The following CDH2 variants were observed in gnomAD, a reference collection of about 807,000 sequenced individuals.
The protein encoded by CDH2 is cadherin 2, also known as cadherin-2.
In CDH2, 17 loss-of-function variants were observed where a neutral mutation model predicts 92.0. That is an observed-to-expected ratio of 0.18 (90% confidence interval 0.13 to 0.28). The LOEUF is 0.28. Among genes scored for constraint, CDH2 ranks in the 10% least tolerant of loss-of-function variants. CDH2 has a pLI of 1.00. For missense variants in CDH2, 862 were observed against 1,133.1 expected, an observed-to-expected ratio of 0.76 and a Z score of 3.44; for synonymous variants, 419 against 415.9, an observed-to-expected ratio of 1.01 and a Z score of -0.09.
intron 7 of CDH2, 70 bp from the exon 8 acceptor site, chr18:27,993,707 A>T: frequency 8.4e-7 from 1 of 1,197,558 alleles, no homozygotes; most frequent in Non-Finnish European, 1.2e-6. Flanking sequence ...TTGTTCTGTA[A>T]ACGGCTCTTT....
chr18:27,987,614 T>G (rs1279173383), intron 11 of CDH2, among the ~76,000 whole-genome samples: 1 of 152,224 alleles, frequency 6.6e-6, no homozygotes, highest in East Asian at 1.9e-4. Flanking sequence ...GAAAATATTT[T>G]AAAATATAGT....
At chr18:28,168,333 G>A (rs2016415980) in intron 1 of CDH2, among the ~76,000 whole-genome samples, 1 of 152,104 alleles carries the variant, frequency 6.6e-6, no homozygotes, top group Non-Finnish European at 1.5e-5. Flanking sequence ...ATTTCAAGAT[G>A]TGGACATGTA....
At chr18:28,145,251 G>T (rs1301222259) in intron 2 of CDH2, among the ~76,000 whole-genome samples, 5 of 152,082 alleles carry the variant, frequency 3.3e-5, no homozygotes, top group Non-Finnish European at 5.9e-5. Flanking sequence ...CCAGAGTTAG[G>T]AGTTACGATT....
intron 14 of CDH2, among the ~76,000 whole-genome samples, chr18:27,976,095 T>C (rs950239632): frequency 6.6e-6 from 1 of 152,098 alleles, no homozygotes; most frequent in African/African-American, 2.4e-5. Context: ...AAGGAACCAA[T>C]CATGAGAGAG....
At chr18:28,035,561 T>C (rs1412352999) in intron 2 of CDH2, among the ~76,000 whole-genome samples, 3 of 152,036 alleles carry the variant, frequency 2.0e-5, no homozygotes, top group Admixed American at 2.0e-4. Context: ...AACTTTATTT[T>C]TAGGAAAATT....
intron 2 of CDH2, among the ~76,000 whole-genome samples, chr18:28,044,160 G>A (rs1296996044): frequency 3.9e-5 from 6 of 151,936 alleles, no homozygotes; most frequent in African/African-American, 7.3e-5. Flanking sequence ...TGATCCACCC[G>A]CCTCAGCCTC....
rs559950779 is a variant in CDH2, at chr18:28,019,490, T to C, written c.173-5581A>G. Among the ~76,000 whole-genome samples, 14 of 152,144 alleles carry C rather than the reference T, an allele frequency of 9.2e-5. 1 individual carries two copies. Among genetic ancestry groups the C allele is most frequent in the Admixed American group, 9.2e-4 (14 of 15,262 alleles). Reference sequence around the variant, plus strand: ...TCTATTAATGTTGTACTGTTACTTATTTGGATTCAGGTGTCACAGTGCTTG... The same window carrying C: ...TCTATTAATGTTGTACTGTTACTTACTTGGATTCAGGTGTCACAGTGCTTG... On this transcript the variant is annotated intron_variant, in intron 2 of 15. Coordinates refer to ENST00000269141, the MANE Select transcript of CDH2 (RefSeq NM_001792.5).
intron 2 of CDH2, among the ~76,000 whole-genome samples, chr18:28,115,111 G>A (rs968963399): frequency 6.6e-6 from 1 of 152,096 alleles, no homozygotes; most frequent in African/African-American, 2.4e-5. Flanking sequence ...TGGAGTGGCA[G>A]GAGTCTTCAA....
At chr18:27,995,078 C>T (rs1320655524) in intron 7 of CDH2, among the ~76,000 whole-genome samples, 5 of 151,864 alleles carry the variant, frequency 3.3e-5, no homozygotes, top group Admixed American at 6.6e-5. Context: ...TTTGGGAGGT[C>T]GAGGCAGGCG....
intron 14 of CDH2, among the ~76,000 whole-genome samples, chr18:27,980,229 T>A (rs540978522): frequency 6.6e-6 from 1 of 152,274 alleles, no homozygotes; most frequent in East Asian, 1.9e-4. Flanking sequence ...TCAGGGAGTC[T>A]GCACCCACCA....
intron 14 of CDH2, among the ~76,000 whole-genome samples, chr18:27,967,951 A>G (rs1308063005): frequency 3.3e-5 from 5 of 152,238 alleles, no homozygotes; most frequent in South Asian, 2.1e-4. Flanking sequence ...ATACTTCCAA[A>G]AACTACATTG....
chr18:28,098,644 G>T (rs145679126), intron 2 of CDH2, among the ~76,000 whole-genome samples: 1 of 152,084 alleles, frequency 6.6e-6, no homozygotes, highest in East Asian at 1.9e-4. Context: ...CAGCACTTCA[G>T]TCCTACACAT....
intron 5 of CDH2, among the ~76,000 whole-genome samples, chr18:28,009,305 A>G (rs995579028): frequency 2.0e-5 from 3 of 152,232 alleles, no homozygotes; most frequent in Non-Finnish European, 4.4e-5. Flanking sequence ...AAGAAAATTC[A>G]AAATAAGAAA....
intron 2 of CDH2, among the ~76,000 whole-genome samples, chr18:28,073,245 C>T (rs2014654861): frequency 6.6e-6 from 1 of 151,984 alleles, no homozygotes; most frequent in South Asian, 2.1e-4. Flanking sequence ...AATTTACTGG[C>T]CCAACATGTT....
chr18:28,080,937 T>TCAG (rs1421858677), intron 2 of CDH2, among the ~76,000 whole-genome samples: 1 of 152,194 alleles, frequency 6.6e-6, no homozygotes, highest in Non-Finnish European at 1.5e-5. Context: ...TGTGCCTGAG[T>TCAG]CAGCACCTTT....
chr18:28,105,900 C>A (rs2015312383), intron 2 of CDH2, among the ~76,000 whole-genome samples: 1 of 152,218 alleles, frequency 6.6e-6, no homozygotes, highest in African/African-American at 2.4e-5. Context: ...AAAAACCTCT[C>A]TACTATGCAG....
chr18:28,070,654 G>A (rs12326070), intron 2 of CDH2, among the ~76,000 whole-genome samples: 185 of 152,340 alleles, frequency 1.2e-3, no homozygotes, highest in African/African-American at 4.2e-3. Context: ...CCTGCTGTGA[G>A]TTGGGCACTG....
At chr18:27,935,453 C>G (rs528180953) in intron 6 of CDH2, among the ~76,000 whole-genome samples, 1 of 152,192 alleles carries the variant, frequency 6.6e-6, no homozygotes, top group Non-Finnish European at 1.5e-5. Context: ...AAACCACCCT[C>G]ATGATACAAT....
chr18:27,952,247 G>A lies in CDH2; in HGVS notation c.2627C>T (p.Ser876Leu). ...TAGSLSSLNS[S>L]SSGGEQDYDY... ...ATAGTCCTGCTCACCACCACTACTT[G>A]AGGAATTAAGGGAGCTCAAGGACCC... is the stretch of plus-strand genomic sequence containing the variant. Residue 876 changes from serine to leucine, a missense_variant, in exon 16 of 16, where the codon TCA becomes TTA. Physicochemically the swap from Ser to Leu is moderately radical, Grantham distance 145. Around this residue, in one of 5 missense-constraint regions of CDH2, gnomAD observed 114 missense variants for 144.8 expected, o/e 0.79. Coordinates refer to ENST00000269141, the MANE Select transcript of CDH2 (RefSeq NM_001792.5). 1 of 1,613,538 alleles carries A rather than the reference G, an allele frequency of 6.2e-7. No homozygotes were observed. The highest frequency in any genetic ancestry group is 8.5e-7 in the Non-Finnish European group (1 of 1,179,676).
Sources: allele counts gnomAD v4.1 joint callset (sites outside exome capture counted in the v4.1 genomes callset), GRCh38; gene constraint gnomAD v4.1.1; regional missense constraint gnomAD v4.1.1; transcripts MANE v1.5; gene names NCBI Gene and HGNC (gene_info 2026-07-23, HGNC 2026-07-21).